The following MACO1 variants were observed in gnomAD, a reference collection of about 807,000 sequenced individuals.
MACO1 encodes macoilin.
Under a neutral mutation model 78.7 loss-of-function variants are expected in MACO1, and 14 were observed. The ratio of observed to expected loss-of-function variants is 0.18; its 90% CI spans 0.12 to 0.28. MACO1 has a LOEUF of 0.28. Among genes scored for constraint, MACO1 ranks in the 10% least tolerant of loss-of-function variants. MACO1 has a pLI of 1.00. For missense variants in MACO1, 501 were observed against 799.0 expected (o/e 0.63, Z 4.50); for synonymous variants, 288 against 291.6 (o/e 0.99, Z 0.12).
chr1:25,454,436 A>ATG (rs757383328), intron 4 of MACO1, 54 bp downstream of exon 4: 4 of 734,984 alleles, frequency 5.4e-6, no homozygotes, highest in East Asian at 9.4e-5. Context: ...GTATGTATAT[A>ATG]TATGTGTGTG....
At chr1:25,474,137 G>A (rs74063407) in intron 6 of MACO1, among the ~76,000 whole-genome samples, 9,778 of 152,190 alleles carry the variant, frequency 0.064, 1,011 homozygotes, top group African/African-American at 0.22. Context: ...CCTTCCAAAG[G>A]GGACAGCCAG....
At chr1:25,447,601 A>G (rs1045465380) in intron 2 of MACO1, among the ~76,000 whole-genome samples, 2 of 152,228 alleles carry the variant, frequency 1.3e-5, no homozygotes, top group Admixed American at 1.3e-4. Flanking sequence ...GAAGACACCT[A>G]CATTCTCATA....
chr1:25,486,722 A>C (rs1201685319), intron 8 of MACO1, among the ~76,000 whole-genome samples: 2 of 152,082 alleles, frequency 1.3e-5, no homozygotes, highest in Non-Finnish European at 2.9e-5. Context: ...GAATCATTTC[A>C]CCTTTTAGGA....
At chr1:25,434,476 A>G (rs1409827909) in intron 1 of MACO1, among the ~76,000 whole-genome samples, 1 of 152,218 alleles carries the variant, frequency 6.6e-6, no homozygotes, top group Non-Finnish European at 1.5e-5. Flanking sequence ...AGGAGTTTAC[A>G]GTCTAGTAGG....
chr1:25,456,426 G>A (rs563114750), intron 4 of MACO1, among the ~76,000 whole-genome samples: 4 of 152,286 alleles, frequency 2.6e-5, no homozygotes, highest in East Asian at 1.9e-4. Context: ...GTCGTCTTAC[G>A]GTCTAGCAGT....
At chr1:25,470,349 G>C (rs1308351552) in intron 6 of MACO1, among the ~76,000 whole-genome samples, 1 of 152,212 alleles carries the variant, frequency 6.6e-6, no homozygotes. Context: ...AGAGAAAGTT[G>C]CAACAGAAGG....
intron 4 of MACO1, among the ~76,000 whole-genome samples, chr1:25,454,811 C>T (rs2043105482): frequency 6.6e-6 from 1 of 151,932 alleles, no homozygotes; most frequent in African/African-American, 2.4e-5. Flanking sequence ...GTCTATAATT[C>T]ATTTCACTGT....
chr1:25,437,819 G>A (rs189429445), intron 1 of MACO1, among the ~76,000 whole-genome samples: 6 of 152,270 alleles, frequency 3.9e-5, no homozygotes, highest in East Asian at 1.9e-4. Context: ...TACTTGGGAG[G>A]CTGAGGCGGG....
At chr1:25,459,251 G>A (rs925595162) in intron 6 of MACO1, among the ~76,000 whole-genome samples, 22 of 151,626 alleles carry the variant, frequency 1.5e-4, no homozygotes, top group Admixed American at 1.2e-3. Context: ...GCTTGTTCAC[G>A]CAAATCTCTG....
chr1:25,448,807 G>A lies in MACO1; in HGVS notation c.223-1G>A. On this transcript the variant is annotated splice_acceptor_variant, in intron 2 of 10. Coordinates refer to ENST00000374343, the MANE Select transcript of MACO1 (RefSeq NM_018202.6). LOFTEE classifies it high-confidence loss of function. ...TTATTTTGTTTTATTTTTCCCTTTAGGCCTTCTCAGTATTTTTTGTTTGTG... is the reference window on the plus strand; with the variant it reads ...TTATTTTGTTTTATTTTTCCCTTTAAGCCTTCTCAGTATTTTTTGTTTGTG... 6.5e-7 allele frequency: 1 copy of A among 1,536,040 alleles called. No individual in the cohort carries two copies. The highest frequency in any genetic ancestry group is 1.3e-5 in the South Asian group (1 of 78,158).
At chr1:25,483,791 C>G (rs564811733) in intron 6 of MACO1, among the ~76,000 whole-genome samples, 92 of 152,324 alleles carry the variant, frequency 6.0e-4, no homozygotes, top group African/African-American at 2.2e-3. Context: ...AGAAGGGAGC[C>G]TTTAGTCTTC....
At chr1:25,437,837 C>G (rs1001299430) in intron 1 of MACO1, among the ~76,000 whole-genome samples, 1 of 152,128 alleles carries the variant, frequency 6.6e-6, no homozygotes, top group Non-Finnish European at 1.5e-5. Flanking sequence ...GGGAGGATCA[C>G]GTGAGCCCAG....
intron 9 of MACO1, 158 bp from the exon 10 acceptor site, chr1:25,491,252 A>G (rs1186296361): frequency 2.7e-6 from 1 of 376,714 alleles, no homozygotes; most frequent in African/African-American, 2.2e-5. Context: ...ATTGCCATAT[A>G]AACACATTTA....
At chr1:25,479,752 G>A (rs544309834) in intron 6 of MACO1, among the ~76,000 whole-genome samples, 13 of 151,936 alleles carry the variant, frequency 8.6e-5, no homozygotes, top group African/African-American at 2.9e-4. Flanking sequence ...TTTTCTATTG[G>A]GCAAATGCAA....
At chr1:25,496,449 G>A (rs1408938473) in intron 10 of MACO1, among the ~76,000 whole-genome samples, 1 of 152,118 alleles carries the variant, frequency 6.6e-6, no homozygotes, top group Non-Finnish European at 1.5e-5. Context: ...CACCTGGCCA[G>A]CATTTAAGTT....
chr1:25,433,304 T>A (rs116717455), intron 1 of MACO1, among the ~76,000 whole-genome samples: 1,533 of 152,232 alleles, frequency 0.01, 27 homozygotes, highest in African/African-American at 0.034. Context: ...TTAAAGAGAT[T>A]TAGAAAAATT....
At chr1:25,452,420 C>T (rs1379887242) in intron 3 of MACO1, among the ~76,000 whole-genome samples, 2 of 152,110 alleles carry the variant, frequency 1.3e-5, no homozygotes, top group African/African-American at 4.8e-5. Flanking sequence ...GCTTTTTCCT[C>T]CCTTGAAAAT....
At chr1:25,459,477 A>C (rs1021052599) in intron 6 of MACO1, among the ~76,000 whole-genome samples, 2 of 127,038 alleles carry the variant, frequency 1.6e-5, no homozygotes, top group Non-Finnish European at 3.4e-5. Context: ...TTCTCATTTT[A>C]ATTAAAAGAA....
intron 6 of MACO1, among the ~76,000 whole-genome samples, chr1:25,474,363 C>T (rs2043301251): frequency 6.7e-6 from 1 of 149,186 alleles, no homozygotes; most frequent in South Asian, 2.1e-4. Context: ...GTGTTTTGCT[C>T]CCTCTAGCCC....
Sources: gnomAD v4.1 joint callset for allele counts (sites outside exome capture counted in the v4.1 genomes callset) on GRCh38, gnomAD v4.1.1 for gene constraint, MANE v1.5 for transcripts, NCBI Gene and HGNC (gene_info 2026-07-23, HGNC 2026-07-21) for gene names.